Variants in CACNA1B observed in about 807,000 individuals in gnomAD.
CACNA1B encodes the protein voltage-dependent N-type calcium channel subunit alpha-1B.
In CACNA1B, 70 loss-of-function variants were observed where a neutral mutation model predicts 247.2. The ratio of observed to expected loss-of-function variants is 0.28; its 90% CI spans 0.23 to 0.35. The LOEUF (loss-of-function observed/expected upper bound fraction) is 0.35, where lower values mean the gene tolerates loss of function less well. Among genes scored for constraint, CACNA1B ranks in the 10% least tolerant of loss-of-function variants. The pLI, the probability that CACNA1B is intolerant of heterozygous loss-of-function variation, is 1.00. For synonymous variants in CACNA1B, 1,231 were observed against 1,294.4 expected (o/e 0.95, Z 1.05); for missense variants, 2,367 against 3,197.4 (o/e 0.74, Z 6.26).
At chr9:137,956,916 G>A (rs1379906499) in intron 9 of CACNA1B, 89 bp downstream of exon 9, 10 of 1,103,936 alleles carry the variant, frequency 9.1e-6, no homozygotes, top group Middle Eastern at 2.1e-4. Flanking sequence ...TGTTTCACGC[G>A]AAGTGCTCTT....
At chr9:138,056,038 A>G (rs1959483751) in intron 26 of CACNA1B, among the ~76,000 whole-genome samples, 1 of 152,122 alleles carries the variant, frequency 6.6e-6, no homozygotes, top group Non-Finnish European at 1.5e-5. Context: ...AAAAAAAACA[A>G]AAACAGAAAC....
chr9:138,034,828 C>T lies in CACNA1B; in HGVS notation c.3287-8946C>T, dbSNP rs560882476. On this transcript the variant is annotated intron_variant, in intron 20 of 46. Transcript: ENST00000371372. ...TCCATGGTTTTACTTTCCCCACTTT[C>T]TGTTATCTGAGGTCCACTGTGGTCT... Among the ~76,000 whole-genome samples the T allele has an allele frequency of 2.0e-5, 3 of 152,268 alleles. No individual in the cohort carries two copies. In the South Asian group the frequency reaches 6.2e-4, roughly 32 times the overall value.
chr9:138,013,511 G>C lies in CACNA1B; in HGVS notation c.2267+276G>C, dbSNP rs529916346. 1.6e-4 allele frequency among the ~76,000 whole-genome samples: 24 copies of C among 152,276 alleles called. No individual in the cohort carries two copies. The East Asian group carries it at 4.4e-3, about 28-fold the overall frequency. On this transcript the variant is annotated intron_variant, in intron 18 of 46. Coordinates refer to ENST00000371372, the MANE Select transcript of CACNA1B (RefSeq NM_000718.4). ...TATTCACTCCCTGGATAGCCTCAGGGTGGCTCCAGGCCCCTCCCCAGGCAA... is the reference window on the plus strand; with the variant it reads ...TATTCACTCCCTGGATAGCCTCAGGCTGGCTCCAGGCCCCTCCCCAGGCAA...
chr9:137,920,103 C>G (rs1046967018), intron 6 of CACNA1B, among the ~76,000 whole-genome samples: 5 of 152,204 alleles, frequency 3.3e-5, no homozygotes, highest in African/African-American at 1.2e-4. Flanking sequence ...TTCTCTTCCA[C>G]TGAAAGCAAC....
At chr9:137,988,644 A>G (rs1958396065) in intron 15 of CACNA1B, among the ~76,000 whole-genome samples, 1 of 152,210 alleles carries the variant, frequency 6.6e-6, no homozygotes, top group African/African-American at 2.4e-5. Context: ...TAGAAATGGA[A>G]CAGAACATAC....
At position 138,020,056 on chromosome 9, in the gene CACNA1B, C is replaced by T. The variant is rs917608781; in HGVS notation, c.2268-2955C>T. On this transcript the variant is annotated intron_variant, in intron 18 of 46. Coordinates refer to ENST00000371372, the MANE Select transcript of CACNA1B (RefSeq NM_000718.4). The surrounding 1 kb of genome is among the most constrained non-coding windows in gnomAD (Gnocchi z 4.1). ...AGGTTGCAGTGAGCCGTGATCACAC[C>T]ACTGCACTCCAGCCTGGGCGACACA... is the stretch of plus-strand genomic sequence containing the variant. Among the ~76,000 whole-genome samples, 4 of 148,340 alleles carry T rather than the reference C, an allele frequency of 2.7e-5. No individual in the cohort carries two copies. The highest frequency in any genetic ancestry group is 6.7e-5 in the Admixed American group (1 of 14,854).
chr9:138,103,439 C>T (rs976422323), intron 38 of CACNA1B, among the ~76,000 whole-genome samples: 2 of 152,170 alleles, frequency 1.3e-5, no homozygotes, highest in African/African-American at 2.4e-5. Flanking sequence ...CCTGGGGCCT[C>T]AGAGGGCTGC....
chr9:138,058,190 C>T lies in CACNA1B; in HGVS notation c.4248C>T (p.Ile1416=), dbSNP rs1959582864. 5 of 1,614,012 alleles carry T rather than the reference C, an allele frequency of 3.1e-6. No homozygotes were observed. The highest frequency in any genetic ancestry group is 1.1e-5 in the South Asian group (1 of 91,078). The change falls in exon 28 of 47, where the codon ATC becomes ATT. Residue 1416 remains isoleucine (I), a synonymous_variant. Transcript: ENST00000371372. This position sits in a 1 kb window ranked among gnomAD's most constrained non-coding sequence, Gnocchi z 4.7. ...FFVNIFVALI[I]ITFQEQGDKV... ...TCAACATCTTTGTGGCTTTGATCAT[C>T]ATCACCTTCCAGGAGCAGGGGGACA...
chr9:138,110,822 T>C (rs1187778856), intron 39 of CACNA1B, among the ~76,000 whole-genome samples: 1 of 152,186 alleles, frequency 6.6e-6, no homozygotes, highest in Non-Finnish European at 1.5e-5. Flanking sequence ...TTAGTATTCC[T>C]AATATATGAA....
At position 138,023,162 on chromosome 9, in the gene CACNA1B, C is replaced by A. The variant is rs1395355963; in HGVS notation, c.2419C>A (p.Pro807Thr). ...CTTCGCCACTACGCGCCACCTGCGG[C>A]CCGACATGAAGACGCACCTGGACCG... ...LRFATTRHLR[P>T]DMKTHLDRPL... The change falls in exon 19 of 47, where the codon CCC becomes ACC. Residue 807 changes from proline to threonine, a missense_variant. Physicochemically the swap from Pro to Thr is conservative, Grantham distance 38. Coordinates refer to ENST00000371372, the MANE Select transcript of CACNA1B (RefSeq NM_000718.4). The A allele has an allele frequency of 6.5e-7, 1 of 1,535,158 alleles. No individual in the cohort carries two copies. The highest frequency in any genetic ancestry group is 2.5e-5 in the East Asian group (1 of 40,008).
intron 36 of CACNA1B, among the ~76,000 whole-genome samples, chr9:138,086,097 A>T (rs573215057): frequency 6.6e-6 from 1 of 151,338 alleles, no homozygotes; most frequent in Non-Finnish European, 1.5e-5. Context: ...CAACCAGAAA[A>T]CAATTAACAA....
At chr9:137,879,573 C>A (rs1318591029) in intron 2 of CACNA1B, among the ~76,000 whole-genome samples, 1 of 152,264 alleles carries the variant, frequency 6.6e-6, no homozygotes, top group Non-Finnish European at 1.5e-5. Context: ...ATGTGGGAAC[C>A]CTGAGCCTCA....
intron 34 of CACNA1B, 101 bp downstream of exon 34, chr9:138,074,167 A>G (rs1960230432): frequency 1.2e-6 from 1 of 854,546 alleles, no homozygotes; most frequent in African/African-American, 1.7e-5. Flanking sequence ...TAATCAGTTG[A>G]TCCTTAGTGA....
At chr9:137,908,290 C>T (rs1007254566) in intron 3 of CACNA1B, among the ~76,000 whole-genome samples, 2 of 151,896 alleles carry the variant, frequency 1.3e-5, no homozygotes, top group African/African-American at 2.4e-5. Flanking sequence ...CTGAGGCGGG[C>T]GGATCACCTG....
intron 20 of CACNA1B, among the ~76,000 whole-genome samples, chr9:138,027,724 A>T (rs998877888): frequency 6.6e-6 from 1 of 152,170 alleles, no homozygotes; most frequent in Non-Finnish European, 1.5e-5. Flanking sequence ...TTCTCCTTAG[A>T]TATGGGGATT....
chr9:137,984,087 A>G, intron 12 of CACNA1B, 51 bp from the exon 13 acceptor site: 2 of 1,321,450 alleles, frequency 1.5e-6, no homozygotes, highest in Middle Eastern at 3.6e-4. Context: ...ATCCATCTGC[A>G]TGCACAGGTG....
At chr9:138,009,905 G>A in intron 16 of CACNA1B, 105 bp from the exon 17 acceptor site, 1 of 867,630 alleles carries the variant, frequency 1.2e-6, no homozygotes, top group East Asian at 2.5e-5. Flanking sequence ...AGGTGCCAAG[G>A]GAAGGAGGCT....
intron 15 of CACNA1B, among the ~76,000 whole-genome samples, chr9:137,998,029 T>G (rs1958520019): frequency 6.6e-6 from 1 of 152,140 alleles, no homozygotes; most frequent in African/African-American, 2.4e-5. Context: ...ATACTGTTTA[T>G]GATATGGATG....
rs758677283 is a variant in CACNA1B at position 138,053,929 on chromosome 9, C to T, written c.3891C>T (p.Ala1297=). The T allele has an allele frequency of 6.2e-6, 10 of 1,613,294 alleles. No individual in the cohort carries two copies. The highest frequency in any genetic ancestry group is 1.6e-4 in the Middle Eastern group (1 of 6,080). Residue 1297 remains alanine (A), a synonymous_variant, in exon 26 of 47, where the codon GCC becomes GCT. Coordinates refer to ENST00000371372, the MANE Select transcript of CACNA1B (RefSeq NM_000718.4). ...ACATGCTCTTCATGTTCATATTTGC[C>T]GTCATTGCGGTGCAGCTCTTCAAAG... ...IVYMLFMFIF[A]VIAVQLFKGK...
Sources: gnomAD v4.1 joint callset for allele counts (sites outside exome capture counted in the v4.1 genomes callset) on GRCh38, gnomAD v4.1.1 for gene constraint, Gnocchi (gnomAD v3.1) non-coding constraint, MANE v1.5 for transcripts, NCBI Gene and HGNC (gene_info 2026-07-23, HGNC 2026-07-21) for gene names.